The following RBFOX1 variants were observed in gnomAD, a reference collection of about 807,000 sequenced individuals.
The protein encoded by RBFOX1 is RNA binding fox-1 homolog 1, also known as RNA binding protein fox-1 homolog 1.
In RBFOX1, 8 loss-of-function variants were observed where a neutral mutation model predicts 57.7. The observed-to-expected ratio is 0.14, with a 90% CI of 0.08 to 0.25. RBFOX1 has a LOEUF of 0.25. Ranked by LOEUF, RBFOX1 falls within the 10% of genes least tolerant of loss-of-function variation. RBFOX1 has a pLI of 1.00. For missense variants in RBFOX1, 611 were observed against 548.5 expected, an observed-to-expected ratio of 1.11 and a Z score of -1.14; for synonymous variants, 326 against 222.4, an observed-to-expected ratio of 1.47 and a Z score of -4.15.
chr16:6,689,526 A>C (rs35416296), intron 3 of RBFOX1, among the ~76,000 whole-genome samples: 22,712 of 152,120 alleles, frequency 0.15, 1,922 homozygotes, highest in Middle Eastern at 0.21. Context: ...ATGTTTATGC[A>C]AGAGATGTTT....
At chr16:7,101,765 G>T (rs1006038005) in intron 4 of RBFOX1, among the ~76,000 whole-genome samples, 1 of 152,056 alleles carries the variant, frequency 6.6e-6, no homozygotes, top group African/African-American at 2.4e-5. Context: ...TGCCTGTCCT[G>T]GTCCTCTTTC....
intron 3 of RBFOX1, among the ~76,000 whole-genome samples, chr16:6,985,944 G>T (rs1448086417): frequency 4.6e-5 from 7 of 150,768 alleles, no homozygotes; most frequent in Admixed American, 3.3e-4. Flanking sequence ...AATCTCCATG[G>T]AGTGATATAG....
intron 1 of RBFOX1, among the ~76,000 whole-genome samples, chr16:6,027,017 G>T (rs2095209730): frequency 6.6e-6 from 1 of 152,210 alleles, no homozygotes; most frequent in Non-Finnish European, 1.5e-5. Context: ...CAGCATAATG[G>T]ATGAACTTGT....
At chr16:7,680,344 A>C (rs965173362) in intron 14 of RBFOX1, among the ~76,000 whole-genome samples, 4 of 152,188 alleles carry the variant, frequency 2.6e-5, no homozygotes, top group African/African-American at 4.8e-5. Context: ...TGATGTGTAC[A>C]TGGCTTTGAT....
intron 2 of RBFOX1, among the ~76,000 whole-genome samples, chr16:6,410,355 T>C (rs1252489168): frequency 7.0e-6 from 1 of 143,258 alleles, no homozygotes; most frequent in Non-Finnish European, 1.5e-5. Flanking sequence ...TTGCCCAGGC[T>C]GGAGGGAGGG....
At chr16:6,860,942 C>A (rs941047766) in intron 3 of RBFOX1, among the ~76,000 whole-genome samples, 1 of 151,962 alleles carries the variant, frequency 6.6e-6, no homozygotes, top group Non-Finnish European at 1.5e-5. Context: ...TATATATTCT[C>A]TTGGGGTCTA....
At chr16:6,498,919 C>G (rs1424840656) in intron 2 of RBFOX1, among the ~76,000 whole-genome samples, 1 of 152,170 alleles carries the variant, frequency 6.6e-6, no homozygotes, top group East Asian at 1.9e-4. Flanking sequence ...GCTTATACGG[C>G]AAGTAGCAGT....
chr16:5,255,322 T>TCCATCCA (rs1555468896), intron 1 of RBFOX1, among the ~76,000 whole-genome samples: 1 of 119,372 alleles, frequency 8.4e-6, no homozygotes, highest in Middle Eastern at 3.9e-3. Context: ...CCACACTTCC[T>TCCATCCA]TCCATCCATC....
intron 2 of RBFOX1, among the ~76,000 whole-genome samples, chr16:6,505,225 T>G (rs1186101163): frequency 6.6e-6 from 1 of 152,210 alleles, no homozygotes; most frequent in Non-Finnish European, 1.5e-5. Context: ...GTCAGTCACT[T>G]TTATGTAGTT....
intron 4 of RBFOX1, among the ~76,000 whole-genome samples, chr16:7,225,604 C>G (rs896504336): frequency 6.6e-6 from 1 of 151,590 alleles, no homozygotes; most frequent in Non-Finnish European, 1.5e-5. Flanking sequence ...GAGATTGTGA[C>G]CTTACATTCA....
chr16:6,926,268 C>G (rs759205897), intron 3 of RBFOX1, among the ~76,000 whole-genome samples: 23 of 152,112 alleles, frequency 1.5e-4, no homozygotes, highest in Admixed American at 9.8e-4. Flanking sequence ...GATCACACCA[C>G]TGCGCTACAG....
At chr16:5,308,323 TC>T (rs2151214814) in intron 1 of RBFOX1, among the ~76,000 whole-genome samples, 1 of 107,448 alleles carries the variant, frequency 9.3e-6, no homozygotes, top group South Asian at 3.8e-4. Flanking sequence ...TGAGGCTCTG[TC>T]TAAAAAAAAA....
intron 3 of RBFOX1, among the ~76,000 whole-genome samples, chr16:6,690,421 T>A (rs2060036379): frequency 1.3e-5 from 2 of 152,076 alleles, no homozygotes; most frequent in Non-Finnish European, 2.9e-5. Context: ...TTTAAAAAAA[T>A]GGAGGGACTA....
chr16:6,795,234 C>T (rs1210399922), intron 3 of RBFOX1, among the ~76,000 whole-genome samples: 2 of 152,084 alleles, frequency 1.3e-5, no homozygotes, highest in East Asian at 1.9e-4. Context: ...TGTCCACAAA[C>T]CACCTAAATT....
intron 5 of RBFOX1, among the ~76,000 whole-genome samples, chr16:7,566,320 G>C (rs1601962438): frequency 6.6e-6 from 1 of 152,090 alleles, no homozygotes; most frequent in Admixed American, 6.6e-5. Context: ...TCACTGCTCT[G>C]TTTCCAGCCC....
chr16:7,181,209 CTAGATGTTAAA>C (rs566598841), intron 4 of RBFOX1, among the ~76,000 whole-genome samples: 107 of 152,178 alleles, frequency 7.0e-4, no homozygotes, highest in African/African-American at 2.2e-3. Flanking sequence ...CACAATCTCT[CTAGATGTTAAA>C]TAGGGAAACT....
At chr16:6,173,319 G>A (rs1450261413) in intron 1 of RBFOX1, among the ~76,000 whole-genome samples, 1 of 152,170 alleles carries the variant, frequency 6.6e-6, no homozygotes, top group Non-Finnish European at 1.5e-5. Context: ...GGAATTAACG[G>A]TGATTATTGA....
chr16:5,462,241 T>C (rs1160594287), intron 1 of RBFOX1, among the ~76,000 whole-genome samples: 2 of 145,850 alleles, frequency 1.4e-5, no homozygotes, highest in African/African-American at 2.6e-5. Flanking sequence ...CTATCTCGGC[T>C]CACTGCAAGC....
rs74005047 is a variant in RBFOX1, at chr16:6,254,771, T to C, written c.-126-62224T>C. ...TAAATTAAAACAATATATTTCTGTC[T>C]TCTGAAAAATATACATGTGAAAGGA... On this transcript the variant is annotated intron_variant, in intron 1 of 15. Coordinates refer to ENST00000550418, the MANE Select transcript of RBFOX1 (RefSeq NM_018723.4). Among the ~76,000 whole-genome samples, 780 of 152,302 alleles carry C rather than the reference T, an allele frequency of 5.1e-3. 7 individuals carry two copies. The highest frequency in any genetic ancestry group is 0.018 in the African/African-American group (731 of 41,562).
Sources: allele counts gnomAD v4.1 joint callset (sites outside exome capture counted in the v4.1 genomes callset), GRCh38; gene constraint gnomAD v4.1.1; transcripts MANE v1.5; gene names NCBI Gene and HGNC (gene_info 2026-07-23, HGNC 2026-07-21).